LIN28B: variants seen among roughly 807,000 people sequenced by gnomAD.
LIN28B encodes the protein protein lin-28 homolog B.
A neutral mutation model predicts 21.9 loss-of-function variants in LIN28B; 5 were observed. The observed-to-expected ratio is 0.23, with a 90% CI of 0.12 to 0.48. The LOEUF is 0.48. Among genes scored for constraint, LIN28B ranks in the 20% least tolerant of loss-of-function variants. The probability of loss-of-function intolerance (pLI) is 0.98; values close to 1 mark genes in which losing one functional copy is unlikely to be tolerated. For missense variants in LIN28B, 245 were observed against 310.5 expected (o/e 0.79, Z 1.58); for synonymous variants, 109 against 111.3 (o/e 0.98, Z 0.13).
intron 3 of LIN28B, among the ~76,000 whole-genome samples, chr6:105,073,160 A>G (rs559387333): frequency 1.3e-5 from 2 of 152,118 alleles, no homozygotes; most frequent in Non-Finnish European, 2.9e-5. Flanking sequence ...CCATGTGTTC[A>G]GTTGATTGGC....
At chr6:105,024,827 A>G (rs1403296357) in intron 2 of LIN28B, among the ~76,000 whole-genome samples, 1 of 152,174 alleles carries the variant, frequency 6.6e-6, no homozygotes, top group Non-Finnish European at 1.5e-5. Context: ...CTTTAGAGTC[A>G]TGGACTTGGA....
chr6:104,979,656 T>C (rs142242913), intron 2 of LIN28B, among the ~76,000 whole-genome samples: 115 of 152,052 alleles, frequency 7.6e-4, no homozygotes, highest in Middle Eastern at 3.4e-3. Flanking sequence ...TTTATACAAA[T>C]AGGGAAATTA....
chr6:104,984,584 C>T (rs949576152), intron 2 of LIN28B, among the ~76,000 whole-genome samples: 1 of 151,966 alleles, frequency 6.6e-6, no homozygotes. Context: ...AGTTTGTGCA[C>T]CACCATGCCC....
At chr6:105,057,523 T>G (rs1432605704) in intron 3 of LIN28B, among the ~76,000 whole-genome samples, 1 of 152,238 alleles carries the variant, frequency 6.6e-6, no homozygotes, top group Non-Finnish European at 1.5e-5. Context: ...GTGATTTTTC[T>G]TCCTCTTTCT....
intron 2 of LIN28B, among the ~76,000 whole-genome samples, chr6:104,984,271 A>G (rs1184849894): frequency 6.6e-6 from 1 of 150,494 alleles, no homozygotes; most frequent in Admixed American, 6.6e-5. Flanking sequence ...AATTGTGTGT[A>G]TGTGTTACAC....
rs111271684 is a variant in LIN28B, at chr6:105,058,494, A to G, written c.384-19920A>G. Among the ~76,000 whole-genome samples the G allele has an allele frequency of 1.2e-3, 190 of 152,312 alleles. 2 individuals carry two copies. The highest frequency in any genetic ancestry group is 4.5e-3 in the African/African-American group (185 of 41,570). On this transcript the variant is annotated intron_variant, in intron 3 of 3. Coordinates refer to ENST00000345080, the MANE Select transcript of LIN28B (RefSeq NM_001004317.4). ...AACCAGTTTACAAGATGAAAGCTTC[A>G]GATTGTTGCTAGTGTTCTGTAGATG...
chr6:105,021,488 G>A (rs765207676), intron 2 of LIN28B, among the ~76,000 whole-genome samples: 1 of 152,116 alleles, frequency 6.6e-6, no homozygotes, highest in Non-Finnish European at 1.5e-5. Context: ...CCTACCAACA[G>A]TGTATAAGAG....
chr6:105,006,008 A>G (rs889330494), intron 2 of LIN28B, among the ~76,000 whole-genome samples: 8 of 152,146 alleles, frequency 5.3e-5, no homozygotes, highest in African/African-American at 1.9e-4. Flanking sequence ...CAGTTGTTAA[A>G]GATTTATTCT....
chr6:104,942,692 C>T (rs314265), intron 2 of LIN28B, among the ~76,000 whole-genome samples: 100,423 of 151,944 alleles, frequency 0.66, 33,431 homozygotes, highest in South Asian at 0.73. Context: ...ATGTATGAAA[C>T]ACAGCAATCC....
At chr6:104,955,904 T>TG (rs1778282158), upstream of LIN28B, among the ~76,000 whole-genome samples, 1 of 152,152 alleles carries the variant, frequency 6.6e-6, no homozygotes, top group Non-Finnish European at 1.5e-5. Flanking sequence ...GCAGAAATAC[T>TG]GTTGCCAGCA....
chr6:105,002,969 C>G (rs1027420928), intron 2 of LIN28B, among the ~76,000 whole-genome samples: 2 of 152,168 alleles, frequency 1.3e-5, no homozygotes, highest in Non-Finnish European at 2.9e-5. Context: ...AACATGGAAC[C>G]TTGTCCCAGC....
intron 2 of LIN28B, among the ~76,000 whole-genome samples, chr6:104,949,124 T>C (rs573553584): frequency 1.3e-5 from 2 of 152,210 alleles, no homozygotes; most frequent in African/African-American, 2.4e-5. Flanking sequence ...TATAAGCAGA[T>C]AGGATTAAGA....
At chr6:105,025,776 A>T (rs994452144) in intron 2 of LIN28B, among the ~76,000 whole-genome samples, 5 of 152,050 alleles carry the variant, frequency 3.3e-5, no homozygotes, top group African/African-American at 1.2e-4. Context: ...TTTTACATAG[A>T]TAGCATTATG....
intron 3 of LIN28B, among the ~76,000 whole-genome samples, chr6:105,029,569 A>G (rs548131322): frequency 6.6e-6 from 1 of 151,914 alleles, no homozygotes; most frequent in Admixed American, 6.6e-5. Context: ...ATCAACTGAG[A>G]GTGATGGTAG....
intron 3 of LIN28B, among the ~76,000 whole-genome samples, chr6:105,055,405 T>C (rs1296294564): frequency 6.6e-6 from 1 of 152,166 alleles, no homozygotes; most frequent in Admixed American, 6.5e-5. Flanking sequence ...TTGGAATTCA[T>C]GGGACAGGAT....
At chr6:105,047,097 C>T (rs547688265) in intron 3 of LIN28B, among the ~76,000 whole-genome samples, 34 of 152,270 alleles carry the variant, frequency 2.2e-4, no homozygotes, top group African/African-American at 7.2e-4. Flanking sequence ...TTGCCCATGC[C>T]TATGTCCTGA....
At chr6:105,063,447 C>T (rs1772161195) in intron 3 of LIN28B, among the ~76,000 whole-genome samples, 1 of 152,096 alleles carries the variant, frequency 6.6e-6, no homozygotes, top group Non-Finnish European at 1.5e-5. Context: ...ACCAGCCTGG[C>T]CAACATGGTA....
At chr6:104,973,576 T>C (rs1285349844) in intron 2 of LIN28B, among the ~76,000 whole-genome samples, 1 of 152,196 alleles carries the variant, frequency 6.6e-6, no homozygotes, top group East Asian at 1.9e-4. Context: ...GCCCTGGCTT[T>C]AGAGATACCA....
chr6:104,993,257 G>A lies in LIN28B; in HGVS notation c.199-33041G>A, dbSNP rs980975433. Among the ~76,000 whole-genome samples the A allele has an allele frequency of 1.1e-4, 16 of 152,106 alleles. No homozygotes were observed. In the East Asian group the frequency reaches 3.1e-3, roughly 30 times the overall value. Reference sequence around the variant, plus strand: ...CTGAGGTGGGAGGATCACATGAGGCGAGTTCAGGACCAGCCTGTGCAACAT... The same window carrying A: ...CTGAGGTGGGAGGATCACATGAGGCAAGTTCAGGACCAGCCTGTGCAACAT... On this transcript the variant is annotated intron_variant, in intron 2 of 3. Transcript: ENST00000345080.
Sources: allele counts gnomAD v4.1 joint callset (sites outside exome capture counted in the v4.1 genomes callset), GRCh38; gene constraint gnomAD v4.1.1; transcripts MANE v1.5; gene names NCBI Gene and HGNC (gene_info 2026-07-23, HGNC 2026-07-21).